DRC11: variants seen among roughly 807,000 people sequenced by gnomAD.
DRC11 encodes IQ and AAA domain-containing protein 1.
At chr2:236,309,381 C>T in the DRC11 span, among the ~76,000 whole-genome samples, 5 of 152,080 alleles carry the variant, frequency 3.3e-5, no homozygotes, top group East Asian at 5.8e-4. The surrounding 1 kb of genome is among the most constrained non-coding windows in gnomAD (Gnocchi z 5.7). Context: ...TAGCCCATCC[C>T]GAGAGGTTCC....
At chr2:236,454,224 A>G in the DRC11 span, among the ~76,000 whole-genome samples, 1 of 152,224 alleles carries the variant, frequency 6.6e-6, no homozygotes, top group African/African-American at 2.4e-5. This position sits in a 1 kb window ranked among gnomAD's most constrained non-coding sequence, Gnocchi z 5.3. Context: ...TCTGTCTTTC[A>G]TCATGACTTG....
chr2:236,355,735 CTCTCTCTCTCTCTCTG>C, the DRC11 span, among the ~76,000 whole-genome samples: 5 of 144,738 alleles, frequency 3.5e-5, no homozygotes, highest in African/African-American at 7.6e-5. Context: ...CTCTCTCTCT[CTCTCTCTCTCTCTCTG>C]TGTGTGTGTG....
chr2:236,380,166 T>A, the DRC11 span, among the ~76,000 whole-genome samples: 7 of 152,190 alleles, frequency 4.6e-5, no homozygotes, highest in Non-Finnish European at 1.0e-4. This position sits in a 1 kb window ranked among gnomAD's most constrained non-coding sequence, Gnocchi z 4.9. Context: ...TTCCTGAGAC[T>A]GGGCCTCACT....
At chr2:236,413,067 C>G in the DRC11 span, among the ~76,000 whole-genome samples, 1 of 152,146 alleles carries the variant, frequency 6.6e-6, no homozygotes, top group Non-Finnish European at 1.5e-5. This position sits in a 1 kb window ranked among gnomAD's most constrained non-coding sequence, Gnocchi z 4.0. Context: ...CCTCATGAAG[C>G]CTCCCCTGCC....
At chr2:236,447,079 G>A in the DRC11 span, among the ~76,000 whole-genome samples, 1 of 151,468 alleles carries the variant, frequency 6.6e-6, no homozygotes, top group African/African-American at 2.5e-5. This position sits in a 1 kb window ranked among gnomAD's most constrained non-coding sequence, Gnocchi z 4.6. Context: ...CTCCTCCAGT[G>A]ACTCTCTCAT....
At chr2:236,390,844 G>A in the DRC11 span, among the ~76,000 whole-genome samples, 5 of 152,182 alleles carry the variant, frequency 3.3e-5, no homozygotes, top group Admixed American at 2.0e-4. This position sits in a 1 kb window ranked among gnomAD's most constrained non-coding sequence, Gnocchi z 5.9. Context: ...GAGGCCCATG[G>A]TACTGGGTTT....
the DRC11 span, among the ~76,000 whole-genome samples, chr2:236,355,410 A>G: frequency 6.6e-6 from 1 of 152,218 alleles, no homozygotes; most frequent in African/African-American, 2.4e-5. Context: ...AAAAAAGAAA[A>G]GGTTCTGCAG....
At chr2:236,386,355 A>C in the DRC11 span, among the ~76,000 whole-genome samples, 1 of 152,194 alleles carries the variant, frequency 6.6e-6, no homozygotes, top group East Asian at 1.9e-4. Context: ...TTATTGGTCT[A>C]TTCAGAGATT....
the DRC11 span, among the ~76,000 whole-genome samples, chr2:236,419,955 G>A: frequency 3.3e-5 from 5 of 152,192 alleles, no homozygotes; most frequent in Non-Finnish European, 7.3e-5. This position sits in a 1 kb window ranked among gnomAD's most constrained non-coding sequence, Gnocchi z 4.8. Flanking sequence ...ATATAAAGGT[G>A]ACAATGACAG....
At chr2:236,481,637 A>C in the DRC11 span, among the ~76,000 whole-genome samples, 8 of 152,016 alleles carry the variant, frequency 5.3e-5, no homozygotes, top group African/African-American at 1.9e-4. Context: ...TTTTTTTCTA[A>C]TTAACAAAGT....
chr2:236,493,058 G>A, the DRC11 span, among the ~76,000 whole-genome samples: 1 of 152,176 alleles, frequency 6.6e-6, no homozygotes, highest in Non-Finnish European at 1.5e-5. Context: ...AAAAGAAAGA[G>A]GTTTAATGGA....
At chr2:236,368,271 C>A in the DRC11 span, 1 of 1,605,326 alleles carries the variant, frequency 6.2e-7, no homozygotes, top group South Asian at 1.1e-5. Context: ...GGACACCTGG[C>A]GAAGAGTAGT....
the DRC11 span, among the ~76,000 whole-genome samples, chr2:236,476,646 T>C: frequency 6.6e-6 from 1 of 152,212 alleles, no homozygotes; most frequent in African/African-American, 2.4e-5. The surrounding 1 kb of genome is among the most constrained non-coding windows in gnomAD (Gnocchi z 4.7). Flanking sequence ...GCATGTTTCA[T>C]GTTTATTGAT....
the DRC11 span, among the ~76,000 whole-genome samples, chr2:236,344,925 G>A: frequency 3.5e-5 from 5 of 144,408 alleles, no homozygotes; most frequent in African/African-American, 5.2e-5. Flanking sequence ...CTTCTCTCTG[G>A]GGTGTGCAGA....
the DRC11 span, among the ~76,000 whole-genome samples, chr2:236,357,172 A>ATATTATGTATTCATATATATC: frequency 1.8e-5 from 2 of 111,886 alleles, no homozygotes; most frequent in Admixed American, 9.7e-5. Flanking sequence ...ATATATCTAT[A>ATATTATGTATTCATATATATC]TATTATATAT....
chr2:236,483,739 C>T, the DRC11 span, among the ~76,000 whole-genome samples: 2 of 152,202 alleles, frequency 1.3e-5, no homozygotes, highest in Non-Finnish European at 2.9e-5. The surrounding 1 kb of genome is among the most constrained non-coding windows in gnomAD (Gnocchi z 4.8). Flanking sequence ...ACTAAACGAA[C>T]TTGCCGTGTC....
the DRC11 span, among the ~76,000 whole-genome samples, chr2:236,327,074 T>A: frequency 6.6e-6 from 1 of 152,102 alleles, no homozygotes; most frequent in African/African-American, 2.4e-5. Flanking sequence ...CTCTCCTTAT[T>A]CTTTCCTCCA....
the DRC11 span, among the ~76,000 whole-genome samples, chr2:236,321,548 G>C: frequency 6.6e-6 from 1 of 152,190 alleles, no homozygotes; most frequent in Non-Finnish European, 1.5e-5. Flanking sequence ...ATATCAGCAT[G>C]TGCTGAGCTA....
At chr2:236,390,244 T>C in the DRC11 span, among the ~76,000 whole-genome samples, 2 of 152,246 alleles carry the variant, frequency 1.3e-5, no homozygotes, top group Admixed American at 6.5e-5. The surrounding 1 kb of genome is among the most constrained non-coding windows in gnomAD (Gnocchi z 5.9). Context: ...TTTCTTGTGA[T>C]AGTTTTTGAT....
Sources: allele counts gnomAD v4.1 joint callset (sites outside exome capture counted in the v4.1 genomes callset), GRCh38; gene constraint gnomAD v4.1.1; non-coding constraint Gnocchi (gnomAD v3.1); transcripts MANE v1.5; gene names NCBI Gene and HGNC (gene_info 2026-07-23, HGNC 2026-07-21).